Variants in CRACDL observed in about 807,000 individuals in gnomAD.
CRACDL encodes CRACD like.
A neutral mutation model predicts 70.6 loss-of-function variants in CRACDL; 26 were observed. The observed-to-expected ratio is 0.37, with a 90% confidence interval of 0.27 to 0.51. The LOEUF (loss-of-function observed/expected upper bound fraction) is 0.51. CRACDL is among the 20% of genes least tolerant of loss of function. The pLI, the probability that CRACDL is intolerant of heterozygous loss-of-function variation, is 0.94. For synonymous variants in CRACDL, 618 were observed against 615.2 expected (o/e 1.00, Z -0.07); for missense variants, 1,283 against 1,376.9 (o/e 0.93, Z 1.08).
At chr2:98,889,151 AAAAGAAGGAAGGAAGGAAGGGGAAGG>A (rs1707881042) in intron 1 of CRACDL, among the ~76,000 whole-genome samples, 2 of 150,264 alleles carry the variant, frequency 1.3e-5, no homozygotes, top group Non-Finnish European at 3.0e-5. Context: ...GGAAGAAAAG[AAAAGAAGGAAGGAAGGAAGGGGAAGG>A]AAAGAAGGAA....
intron 1 of CRACDL, among the ~76,000 whole-genome samples, chr2:98,849,467 C>T (rs1188793387): frequency 2.0e-5 from 3 of 152,070 alleles, no homozygotes; most frequent in Admixed American, 6.5e-5. Flanking sequence ...CTGCCAAGCC[C>T]GGATCAGTCC....
At chr2:98,878,048 G>T (rs927826564) in intron 1 of CRACDL, among the ~76,000 whole-genome samples, 14 of 151,110 alleles carry the variant, frequency 9.3e-5, no homozygotes, top group Non-Finnish European at 1.9e-4. Context: ...CCAGGTTCAA[G>T]CGATTCTCCT....
intron 3 of CRACDL, among the ~76,000 whole-genome samples, chr2:98,836,229 G>A (rs763664728): frequency 4.6e-5 from 7 of 152,300 alleles, no homozygotes; most frequent in Non-Finnish European, 7.4e-5. Context: ...TCAACCCACA[G>A]GGTCCCATGT....
intron 7 of CRACDL, 88 bp downstream of exon 7, chr2:98,821,769 G>A: frequency 6.8e-7 from 1 of 1,470,788 alleles, no homozygotes; most frequent in Non-Finnish European, 9.1e-7. Context: ...TTTGTACCAG[G>A]AGCATTTGGC....
rs956954459 is a variant in CRACDL at position 98,869,419 on chromosome 2, C to G, written c.-10-22609G>C. The stretch of plus-strand genomic sequence containing the variant: ...GCCTTCCACTCCAAGCCCTGAAGGC[C>G]GGGATGGGGGTGGCCTGGCTCTGTA... On this transcript the variant is annotated intron_variant, in intron 1 of 9. Transcript: ENST00000397899. The G allele has an allele frequency of 5.0e-5, 25 of 500,038 alleles. No individual in the cohort carries two copies. In the Admixed American group the frequency reaches 9.9e-4, roughly 20 times the overall value. The allele number at this position is 500,038 out of a possible 1,614,324, so 31.0% of individuals were successfully genotyped here. A position where few individuals can be genotyped will look rare whatever the true frequency, so the allele number is the denominator to read the frequency against.
At chr2:98,870,124 C>T (rs1434158821) in intron 1 of CRACDL, among the ~76,000 whole-genome samples, 1 of 152,212 alleles carries the variant, frequency 6.6e-6, no homozygotes, top group Non-Finnish European at 1.5e-5. Context: ...CCACCTGACT[C>T]AAGTTCCTCC....
chr2:98,808,180 C>T (rs989515164), intron 7 of CRACDL, among the ~76,000 whole-genome samples: 1 of 152,210 alleles, frequency 6.6e-6, no homozygotes, highest in African/African-American at 2.4e-5. Context: ...AGCACTGCTG[C>T]CATTATTCCA....
intron 1 of CRACDL, chr2:98,869,039 G>T: frequency 7.9e-7 from 1 of 1,270,612 alleles, no homozygotes; most frequent in Non-Finnish European, 1.0e-6. Flanking sequence ...CCTCCCTCGC[G>T]ACTCTCCCCC....
At position 98,839,817 on chromosome 2, in the gene CRACDL, C is replaced by A. The variant is rs536198479; in HGVS notation, c.71-1530G>T. On this transcript the variant is annotated intron_variant, in intron 2 of 9. Transcript: ENST00000397899. The stretch of plus-strand genomic sequence containing the variant: ...ATTGGCAAAAAATTATTAATAATAT[C>A]TTTTTATCTTTCAAGCATTCACAAC... 9.7e-4 allele frequency among the ~76,000 whole-genome samples: 148 copies of A among 152,176 alleles called. 1 individual carries two copies. Among genetic ancestry groups the A allele is most frequent in the Non-Finnish European group, 1.2e-3 (83 of 68,002 alleles).
intron 1 of CRACDL, among the ~76,000 whole-genome samples, chr2:98,893,575 C>T (rs531949184): frequency 1.3e-5 from 2 of 152,166 alleles, no homozygotes; most frequent in Admixed American, 6.5e-5. Context: ...TTAGCCACTG[C>T]ACCCCGCCTG....
chr2:98,837,084 CA>C (rs35180684), intron 3 of CRACDL, among the ~76,000 whole-genome samples: 45,628 of 118,380 alleles, frequency 0.39, 7,195 homozygotes, highest in African/African-American at 0.45. Flanking sequence ...GACTCCGTCT[CA>C]AAAAAAAAAA....
At chr2:98,798,081 T>A (rs1434612297) in intron 7 of CRACDL, among the ~76,000 whole-genome samples, 9 of 152,146 alleles carry the variant, frequency 5.9e-5, no homozygotes, top group Non-Finnish European at 1.0e-4. Context: ...CGGTGGCGCA[T>A]GCCTGTAATC....
chr2:98,805,904 A>G (rs1704272054), intron 7 of CRACDL, among the ~76,000 whole-genome samples: 1 of 152,168 alleles, frequency 6.6e-6, no homozygotes, highest in South Asian at 2.1e-4. Flanking sequence ...CTTTTCACAC[A>G]AGCTTCAACT....
intron 7 of CRACDL, among the ~76,000 whole-genome samples, chr2:98,819,879 G>A (rs1704950989): frequency 6.9e-6 from 1 of 144,924 alleles, no homozygotes; most frequent in Admixed American, 7.1e-5. Context: ...GAGTGCAGTG[G>A]CGTGATCTCG....
rs1452092834 is a variant in CRACDL at position 98,793,991 on chromosome 2, T to C, written c.*541A>G. 5 of 152,710 alleles carry C rather than the reference T, an allele frequency of 3.3e-5. No individual in the cohort carries two copies. Among genetic ancestry groups the C allele is most frequent in the African/African-American group, 1.2e-4 (5 of 41,442 alleles). 9.5% of individuals were successfully genotyped at this position (152,710 alleles called of 1,614,324 possible). On this transcript the variant is annotated 3_prime_UTR_variant, in exon 10 of 10. Coordinates refer to ENST00000397899, the MANE Select transcript of CRACDL (RefSeq NM_207362.3). Reference sequence around the variant, plus strand: ...GTGTTCCTTCATCTCCTTCTCAGAGTGGCTGTCTTTAGGAAAACAGATTGT... The same window carrying C: ...GTGTTCCTTCATCTCCTTCTCAGAGCGGCTGTCTTTAGGAAAACAGATTGT...
intron 1 of CRACDL, among the ~76,000 whole-genome samples, chr2:98,898,610 C>A (rs1708188586): frequency 1.3e-5 from 2 of 152,206 alleles, no homozygotes; most frequent in Non-Finnish European, 2.9e-5. Flanking sequence ...CTGCCCAGAC[C>A]CACAGCATCT....
chr2:98,888,822 AAT>A (rs1707864805), intron 1 of CRACDL, among the ~76,000 whole-genome samples: 1 of 152,210 alleles, frequency 6.6e-6, no homozygotes, highest in African/African-American at 2.4e-5. Flanking sequence ...AATGGAAAAA[AAT>A]ATATACTATG....
At chr2:98,900,166 C>T (rs1260145011) in intron 1 of CRACDL, among the ~76,000 whole-genome samples, 1 of 122,478 alleles carries the variant, frequency 8.2e-6, no homozygotes, top group African/African-American at 3.1e-5. Context: ...GAAGGGGAGG[C>T]AGATGGACAG....
At chr2:98,840,422 G>A (rs1705975759) in intron 2 of CRACDL, among the ~76,000 whole-genome samples, 1 of 152,116 alleles carries the variant, frequency 6.6e-6, no homozygotes, top group Non-Finnish European at 1.5e-5. Flanking sequence ...CTTACCATAT[G>A]AACAATTTTT....
Sources: allele counts gnomAD v4.1 joint callset (sites outside exome capture counted in the v4.1 genomes callset), GRCh38; gene constraint gnomAD v4.1.1; transcripts MANE v1.5; gene names NCBI Gene and HGNC (gene_info 2026-07-23, HGNC 2026-07-21).